NCOA4: variants seen among roughly 807,000 people sequenced by gnomAD.
The protein encoded by NCOA4 is nuclear receptor coactivator 4, also known as 70 kDa AR-activator.
In NCOA4, 31 loss-of-function variants were observed where a neutral mutation model predicts 69.5. The ratio of observed to expected loss-of-function variants is 0.45; its 90% CI spans 0.34 to 0.60. NCOA4 has a LOEUF of 0.60. Ranked by LOEUF, NCOA4 falls within the 20% of genes least tolerant of loss-of-function variation. The pLI, the probability that NCOA4 is intolerant of heterozygous loss-of-function variation, is 0.02. For missense variants in NCOA4, 600 were observed against 719.2 expected, an observed-to-expected ratio of 0.83 and a Z score of 1.90; for synonymous variants, 228 against 252.4, an observed-to-expected ratio of 0.90 and a Z score of 0.92.
chr10:46,013,401 G>C, intron 6 of NCOA4, 149 bp downstream of exon 6: 1 of 620,720 alleles, frequency 1.6e-6, no homozygotes, highest in African/African-American at 1.8e-5. Context: ...TTGGCATTAG[G>C]TCTCAAGGGA....
chr10:46,008,468 G>GC (rs1275868773), intron 9 of NCOA4, among the ~76,000 whole-genome samples: 1 of 152,224 alleles, frequency 6.6e-6, no homozygotes, highest in Non-Finnish European at 1.5e-5. Flanking sequence ...GGTGGAAACA[G>GC]CAAGAGAAGT....
rs781797291 is a variant in NCOA4 at position 46,015,169 on chromosome 10, A to G, written c.239T>C (p.Leu80Pro). 2 of 1,614,180 alleles carry G rather than the reference A, an allele frequency of 1.2e-6. No homozygotes were observed. The highest frequency in any genetic ancestry group is 1.7e-6 in the Non-Finnish European group (2 of 1,180,036). ...CTGCTGTTGAAGTGTCTCCTCTTTA[A>G]GCTGATAAATAAGGTCCACCTGTTC... is the stretch of plus-strand genomic sequence containing the variant. ...LYEQVDLIYQ[L>P]KEETLQQQAQ... is the part of the protein sequence containing the mutation. Residue 80 changes from leucine to proline, a missense_variant, in exon 3 of 10, where the codon CTT becomes CCT. Transcript: ENST00000581486.
intron 1 of NCOA4, among the ~76,000 whole-genome samples, chr10:46,029,101 A>G (rs1356276163): frequency 6.6e-6 from 1 of 151,926 alleles, no homozygotes; most frequent in Non-Finnish European, 1.5e-5. Context: ...TCCCTTTGAG[A>G]AGGACATCTT....
chr10:46,013,296 C>T (rs1301776576), intron 6 of NCOA4, among the ~76,000 whole-genome samples: 1 of 152,138 alleles, frequency 6.6e-6, no homozygotes, highest in Non-Finnish European at 1.5e-5. Flanking sequence ...CACAGAGAAC[C>T]AGTATCAGTA....
At chr10:46,016,781 C>A in intron 1 of NCOA4, 87 bp from the exon 2 acceptor site, 1 of 947,482 alleles carries the variant, frequency 1.1e-6, no homozygotes, top group Non-Finnish European at 1.4e-6. Context: ...TCATTCCAGC[C>A]AACTCCCATT....
rs782298209 is a variant in NCOA4, at chr10:46,013,014, C to A, written c.583G>T (p.Gly195Cys). The change falls in exon 7 of 10, where the codon GGT (glycine) becomes TGT (cysteine). Residue 195 changes from glycine to cysteine, a missense_variant. Transcript: ENST00000581486. ...ISMPEQKSAS[G>C]IVAVPFSEWL... ...TCGCTGAAAGGGACAGCTACAATAC[C>A]GGATGCTGACTTCTGTTAATCACAA... The A allele has an allele frequency of 1.9e-6, 3 of 1,613,862 alleles. No individual in the cohort carries two copies. The highest frequency in any genetic ancestry group is 2.5e-6 in the Non-Finnish European group (3 of 1,179,870).
At chr10:46,017,961 T>C (rs1839664266) in intron 1 of NCOA4, among the ~76,000 whole-genome samples, 1 of 152,254 alleles carries the variant, frequency 6.6e-6, no homozygotes, top group Admixed American at 6.5e-5. Flanking sequence ...TTTGGATTGT[T>C]TTACTAAACT....
chr10:46,028,947 G>T (rs1006780395), intron 1 of NCOA4, among the ~76,000 whole-genome samples: 1 of 151,850 alleles, frequency 6.6e-6, no homozygotes, highest in South Asian at 2.1e-4. Flanking sequence ...CTCAACCGGG[G>T]GAGGGATATG....
chr10:46,029,914 C>G (rs1312566732), intron 1 of NCOA4, among the ~76,000 whole-genome samples: 1 of 152,166 alleles, frequency 6.6e-6, no homozygotes, highest in Non-Finnish European at 1.5e-5. Context: ...AATGAGCAAG[C>G]CTTACTCTTC....
At chr10:46,017,319 G>A (rs574068097) in intron 1 of NCOA4, among the ~76,000 whole-genome samples, 1 of 152,232 alleles carries the variant, frequency 6.6e-6, no homozygotes, top group Non-Finnish European at 1.5e-5. Flanking sequence ...GGCCAAGGTG[G>A]GTGGATCACT....
chr10:46,010,291 T>C lies in NCOA4; in HGVS notation c.1630A>G (p.Lys544Glu). The C allele has an allele frequency of 6.2e-7, 1 of 1,613,978 alleles. No individual in the cohort carries two copies. Among genetic ancestry groups the C allele is most frequent in the African/African-American group, 1.3e-5 (1 of 75,046 alleles). ...AACTGGCTGAGGTTGCCCATCTTCT[T>C]TCCTGGCAGGACCCAGTCAGCTGTG... ...FNTADWVLPG[K>E]KMGNLSQLSS... is the part of the protein sequence containing the mutation. The change falls in exon 8 of 10, where the codon AAG becomes GAG. Residue 544 changes from lysine (K) to glutamate (E), a missense_variant. Coordinates refer to ENST00000581486, the MANE Select transcript of NCOA4 (RefSeq NM_001145263.2).
intron 1 of NCOA4, among the ~76,000 whole-genome samples, chr10:46,021,300 A>G (rs190758613): frequency 1.6e-4 from 25 of 152,326 alleles, no homozygotes; most frequent in Non-Finnish European, 2.9e-4. Context: ...AAAATAAAAA[A>G]TAAAGCTGGA....
Position 46,005,309 on chromosome 10 carries a change from CTGGGGAGGGAATTAAAAAATAATACA to C in NCOA4, c.*1257_*1282del. 2 of 214,474 alleles carry C rather than the reference CTGGGGAGGGAATTAAAAAATAATACA, an allele frequency of 9.3e-6. No homozygotes were observed. The highest frequency in any genetic ancestry group is 1.5e-3 in the Middle Eastern group (1 of 662). The allele number at this position is 214,474 out of a possible 1,614,324, so 13.3% of individuals were successfully genotyped here. On this transcript the variant is annotated 3_prime_UTR_variant, in exon 10 of 10. Coordinates refer to ENST00000581486, the MANE Select transcript of NCOA4 (RefSeq NM_001145263.2). ...TTTATATAATACTCCTAAATGATATCTGGGGAGGGAATTAAAAAATAATACAAAGCTCTTTTCAGCTGTGGTTCAAA... is the reference window on the plus strand; with the variant it reads ...TTTATATAATACTCCTAAATGATATCAAGCTCTTTTCAGCTGTGGTTCAAA...
chr10:46,023,397 G>A, intron 1 of NCOA4: 1 of 985,740 alleles, frequency 1.0e-6, no homozygotes, highest in Non-Finnish European at 1.2e-6. Context: ...CCTGACCCGA[G>A]TGCGAAAGGT....
At chr10:46,017,009 A>C (rs782714893) in intron 1 of NCOA4, among the ~76,000 whole-genome samples, 1 of 152,250 alleles carries the variant, frequency 6.6e-6, no homozygotes, top group Admixed American at 6.5e-5. Context: ...GAACATTAGA[A>C]TATCATTTTC....
In NCOA4 at chr10:46,006,698, C is replaced by T. The variant is rs1287880166; in HGVS notation, c.1840-101G>A. 16 of 1,061,290 alleles carry T rather than the reference C, an allele frequency of 1.5e-5. No individual in the cohort carries two copies. The African/African-American group carries it at 2.3e-4, about 16-fold the overall frequency. 65.7% of individuals were successfully genotyped at this position (1,061,290 alleles called of 1,614,324 possible). Reference sequence around the variant, plus strand: ...GACTCATTTCCCAATACAGGTATACCCTTGTTACATTGTATTTTTTACAAA... The same window carrying T: ...GACTCATTTCCCAATACAGGTATACTCTTGTTACATTGTATTTTTTACAAA... On this transcript the variant is annotated intron_variant, in intron 9 of 9. Coordinates refer to ENST00000581486, the MANE Select transcript of NCOA4 (RefSeq NM_001145263.2).
rs113818982 is a variant in NCOA4 at position 46,016,930 on chromosome 10, T to C, written c.-14-236A>G. On this transcript the variant is annotated intron_variant, in intron 1 of 9. Transcript: ENST00000581486. Reference sequence around the variant, plus strand: ...ACTTTAGTGACACTTTACATGTGAATAGCTATTTCTGGAAAAATACACTAA... The same window carrying C: ...ACTTTAGTGACACTTTACATGTGAACAGCTATTTCTGGAAAAATACACTAA... Among the ~76,000 whole-genome samples, 1,135 of 152,364 alleles carry C rather than the reference T, an allele frequency of 7.4e-3. 6 individuals carry two copies. The highest frequency in any genetic ancestry group is 0.012 in the Non-Finnish European group (794 of 68,038).
At chr10:46,012,116 A>AAAAT in intron 7 of NCOA4, among the ~76,000 whole-genome samples, 1 of 146,000 alleles carries the variant, frequency 6.8e-6, no homozygotes, top group African/African-American at 2.5e-5. Context: ...AAAAAAGAAA[A>AAAAT]TACTCAACCT....
At chr10:46,018,372 G>A (rs1394817675) in intron 1 of NCOA4, among the ~76,000 whole-genome samples, 1 of 152,168 alleles carries the variant, frequency 6.6e-6, no homozygotes, top group Non-Finnish European at 1.5e-5. Flanking sequence ...TTAACCGAAA[G>A]TAAATTCTCT....
Sources: allele counts gnomAD v4.1 joint callset (sites outside exome capture counted in the v4.1 genomes callset), GRCh38; gene constraint gnomAD v4.1.1; transcripts MANE v1.5; gene names NCBI Gene and HGNC (gene_info 2026-07-23, HGNC 2026-07-21).